Variants in NSF observed in about 807,000 individuals in gnomAD.
NSF encodes the protein N-ethylmaleimide sensitive factor, vesicle fusing ATPase.
A neutral mutation model predicts 50.3 loss-of-function variants in NSF; 14 were observed. The ratio of observed to expected loss-of-function variants is 0.28; its 90% CI spans 0.18 to 0.44. NSF has a LOEUF of 0.44. NSF is among the 20% of genes least tolerant of loss of function. The pLI, the probability that NSF is intolerant of heterozygous loss-of-function variation, is 1.00. For missense variants in NSF, 218 were observed against 504.3 expected (o/e 0.43, Z 5.44); for synonymous variants, 109 against 175.7 (o/e 0.62, Z 3.00).
At chr17:46,730,069 G>A (rs572067329) in intron 17 of NSF, among the ~76,000 whole-genome samples, 3 of 152,018 alleles carry the variant, frequency 2.0e-5, no homozygotes, top group Non-Finnish European at 4.4e-5. Context: ...TCTTAAGTAA[G>A]TAAACGTATA....
chr17:46,740,227 G>A (rs760849050), intron 17 of NSF, among the ~76,000 whole-genome samples: 1 of 152,184 alleles, frequency 6.6e-6, no homozygotes, highest in Admixed American at 6.5e-5. Flanking sequence ...ATTATTATTG[G>A]ATATAGTAAA....
intron 17 of NSF, among the ~76,000 whole-genome samples, chr17:46,732,337 T>C (rs2058957749): frequency 6.6e-6 from 1 of 152,066 alleles, no homozygotes; most frequent in African/African-American, 2.4e-5. Context: ...TATTCTCTTT[T>C]CTCCTTCCAC....
At chr17:46,690,624 A>AAAAAATAT (rs1381328687) in intron 9 of NSF, among the ~76,000 whole-genome samples, 2 of 110,972 alleles carry the variant, frequency 1.8e-5, no homozygotes, top group Non-Finnish European at 3.7e-5. Context: ...AAAAAAAAAA[A>AAAAAATAT]ATATATATAT....
At chr17:46,753,253 G>T (rs1180067754) in intron 19 of NSF, among the ~76,000 whole-genome samples, 1 of 152,228 alleles carries the variant, frequency 6.6e-6, no homozygotes, top group Non-Finnish European at 1.5e-5. Context: ...AGTGTGGGCA[G>T]TGAGCGGCAG....
chr17:46,709,271 A>G (rs1033519926), intron 13 of NSF, among the ~76,000 whole-genome samples: 6 of 152,166 alleles, frequency 3.9e-5, no homozygotes, highest in African/African-American at 1.4e-4. Context: ...TTTTTTAACA[A>G]CAAGTAATTT....
intron 16 of NSF, among the ~76,000 whole-genome samples, chr17:46,728,325 T>C (rs1031666633): frequency 7.9e-5 from 12 of 152,338 alleles, no homozygotes; most frequent in South Asian, 2.1e-4. Flanking sequence ...TGTTTTAATA[T>C]CAGTGTACTG....
intron 15 of NSF, among the ~76,000 whole-genome samples, chr17:46,723,419 A>C (rs769318279): frequency 6.6e-6 from 1 of 152,228 alleles, no homozygotes; most frequent in Non-Finnish European, 1.5e-5. Context: ...AAAAAGTAGC[A>C]AAGAACCGCT....
chr17:46,748,823 GA>G (rs1053344325), intron 17 of NSF, among the ~76,000 whole-genome samples: 2 of 152,130 alleles, frequency 1.3e-5, no homozygotes, highest in African/African-American at 4.8e-5. Context: ...AAGCAAAGGG[GA>G]AAAAGGCAAT....
rs530744130 is a variant in NSF, at chr17:46,730,863, C to T, written c.1908+1929C>T. On this transcript the variant is annotated intron_variant, in intron 17 of 20. Coordinates refer to ENST00000398238, the MANE Select transcript of NSF (RefSeq NM_006178.4). ...CAAGTCAGAACCAATAGTGAGATAC[C>T]ACTCATTGCATACCTGCTAGAATGG... is the stretch of plus-strand genomic sequence containing the variant. 5.3e-5 allele frequency among the ~76,000 whole-genome samples: 8 copies of T among 152,162 alleles called. No homozygotes were observed. In the East Asian group the frequency reaches 1.2e-3, roughly 22 times the overall value.
intron 20 of NSF, chr17:46,755,575 C>G: frequency 1.5e-6 from 1 of 684,372 alleles, no homozygotes; most frequent in Non-Finnish European, 2.4e-6. Flanking sequence ...ACTTCCTTGT[C>G]ACAATGCAGG....
At chr17:46,631,061 TACACACACACAC>T (rs61399986) in intron 4 of NSF, among the ~76,000 whole-genome samples, 11 of 122,762 alleles carry the variant, frequency 9.0e-5, no homozygotes, top group Non-Finnish European at 1.4e-4. Flanking sequence ...TCTCTCTCTG[TACACACACACAC>T]ACACACACAC....
At chr17:46,755,184 C>T (rs934063203) in intron 19 of NSF, 130 bp from the exon 20 acceptor site, 1 of 675,764 alleles carries the variant, frequency 1.5e-6, no homozygotes, top group South Asian at 1.7e-5. Flanking sequence ...GGTCAAGGAG[C>T]AGGTAACACA....
chr17:46,714,529 C>G (rs1208293393), intron 15 of NSF, among the ~76,000 whole-genome samples: 1 of 152,158 alleles, frequency 6.6e-6, no homozygotes, highest in East Asian at 1.9e-4. Flanking sequence ...TTAACATGGC[C>G]ACTTTCTACC....
Position 46,728,838 on chromosome 17 carries a change from T to A in NSF, c.1829-17T>A. On this transcript the variant is annotated splice_polypyrimidine_tract_variant and intron_variant, in intron 16 of 20. Transcript: ENST00000398238. ...ATGTGTATCAAATCCCTAAACATAA[T>A]AATGTTTCTTTTCCAGATTACGTCC... 1 of 1,554,128 alleles carries A rather than the reference T, an allele frequency of 6.4e-7. No individual in the cohort carries two copies.
rs112697980 is a variant in NSF, at chr17:46,709,697, G to T, written c.1471-1266G>T. On this transcript the variant is annotated intron_variant, in intron 13 of 20. Coordinates refer to ENST00000398238, the MANE Select transcript of NSF (RefSeq NM_006178.4). The stretch of plus-strand genomic sequence containing the variant: ...TTTAGTATAGATGGGGTTTCACCAC[G>T]TTGGCCAGGTTGGTCTGGAACTCCA... Among the ~76,000 whole-genome samples, 852 of 152,030 alleles carry T rather than the reference G, an allele frequency of 5.6e-3. 11 individuals are homozygous for T. The highest frequency in any genetic ancestry group is 0.019 in the African/African-American group (786 of 41,424).
At chr17:46,730,653 A>G (rs2058940050) in intron 17 of NSF, among the ~76,000 whole-genome samples, 1 of 152,168 alleles carries the variant, frequency 6.6e-6, no homozygotes, top group South Asian at 2.1e-4. Flanking sequence ...CTTCACAAAT[A>G]CCTTATCAAC....
intron 19 of NSF, among the ~76,000 whole-genome samples, chr17:46,753,336 G>A (rs2059202274): frequency 1.3e-5 from 2 of 152,182 alleles, no homozygotes; most frequent in South Asian, 4.1e-4. Context: ...AACGTGAAGT[G>A]AATGCTTTTT....
chr17:46,606,048 G>A (rs1266541958), intron 1 of NSF, among the ~76,000 whole-genome samples: 30 of 94,086 alleles, frequency 3.2e-4, no homozygotes, highest in Non-Finnish European at 4.3e-4. Context: ...GTGTGGTGGC[G>A]CATGCCTGTA....
intron 15 of NSF, among the ~76,000 whole-genome samples, chr17:46,720,601 C>T (rs1332857161): frequency 4.6e-5 from 7 of 152,202 alleles, no homozygotes; most frequent in African/African-American, 7.2e-5. Flanking sequence ...TTACTGATAG[C>T]ACCCATTTGA....
Sources: gnomAD v4.1 joint callset for allele counts (sites outside exome capture counted in the v4.1 genomes callset) on GRCh38, gnomAD v4.1.1 for gene constraint, MANE v1.5 for transcripts, NCBI Gene and HGNC (gene_info 2026-07-23, HGNC 2026-07-21) for gene names.